Variants in SFMBT1 observed in about 807,000 individuals in gnomAD.
SFMBT1 encodes scm-like with four MBT domains protein 1.
Under a neutral mutation model 108.7 loss-of-function variants are expected in SFMBT1, and 32 were observed. That is an observed-to-expected ratio of 0.29 (90% CI 0.22 to 0.40). The LOEUF is 0.40. SFMBT1 is among the 10% of genes least tolerant of loss of function. The probability of loss-of-function intolerance (pLI) is 1.00; values close to 1 mark genes in which losing one functional copy is unlikely to be tolerated. For missense variants in SFMBT1, 816 were observed against 1,059.6 expected (o/e 0.77, Z 3.19); for synonymous variants, 348 against 369.5 (o/e 0.94, Z 0.67).
chr3:52,978,398 A>C (rs958290527), intron 1 of SFMBT1, among the ~76,000 whole-genome samples: 20 of 152,146 alleles, frequency 1.3e-4, no homozygotes, highest in African/African-American at 4.3e-4. Flanking sequence ...TCAACTTCAC[A>C]CTGCCTGCCA....
chr3:53,000,582 T>C (rs1186004451), intron 1 of SFMBT1, among the ~76,000 whole-genome samples: 2 of 149,912 alleles, frequency 1.3e-5, no homozygotes, highest in Non-Finnish European at 3.0e-5. Context: ...TATATACATA[T>C]ATTACATATA....
At chr3:52,974,928 A>G (rs559071851) in intron 1 of SFMBT1, among the ~76,000 whole-genome samples, 1 of 151,258 alleles carries the variant, frequency 6.6e-6, no homozygotes, top group African/African-American at 2.4e-5. Context: ...AATTGCTTGA[A>G]CCCAGGGCAA....
intron 1 of SFMBT1, among the ~76,000 whole-genome samples, chr3:53,002,281 C>G (rs1362869212): frequency 1.3e-5 from 2 of 148,898 alleles, no homozygotes; most frequent in African/African-American, 4.9e-5. Flanking sequence ...CACCTGTAGT[C>G]CCAGCTACTT....
intron 5 of SFMBT1, among the ~76,000 whole-genome samples, chr3:52,932,760 A>T (rs1488811097): frequency 6.6e-6 from 1 of 151,942 alleles, no homozygotes; most frequent in East Asian, 1.9e-4. Context: ...AAAATACAAA[A>T]ATTAGTCGGG....
chr3:53,004,019 C>T (rs1698651079), intron 1 of SFMBT1, among the ~76,000 whole-genome samples: 1 of 149,916 alleles, frequency 6.7e-6, no homozygotes. Flanking sequence ...AAACAATGGT[C>T]ACTGGAAATT....
intron 1 of SFMBT1, among the ~76,000 whole-genome samples, chr3:53,041,614 C>T (rs1700055129): frequency 7.5e-6 from 1 of 134,210 alleles, no homozygotes; most frequent in Non-Finnish European, 1.5e-5. Context: ...AGGAGAATTG[C>T]TTGAACCCAG....
intron 1 of SFMBT1, among the ~76,000 whole-genome samples, chr3:53,045,481 C>T (rs1225939823): frequency 6.9e-6 from 1 of 144,240 alleles, no homozygotes; most frequent in East Asian, 2.0e-4. Context: ...CGGGCTGACG[C>T]GCGCCGCGCT....
In SFMBT1 at chr3:52,907,161, A is replaced by G. The variant is rs957535255; in HGVS notation, c.2239T>C (p.Ser747Pro). The G allele has an allele frequency of 1.2e-6, 2 of 1,614,214 alleles. No individual in the cohort carries two copies. Among genetic ancestry groups the G allele is most frequent in the Non-Finnish European group, 1.7e-6 (2 of 1,180,028 alleles). ...TGTCTATCTGGAGGCAGCGATGTGG[A>G]TATCTCACTTTGGGTGGGAGAAGAG... ...CSSSPTQSEISTSLPPDRQRR... is the reference protein window; with the variant it reads ...CSSSPTQSEIPTSLPPDRQRR... The change falls in exon 19 of 21, where the codon TCC (serine) becomes CCC (proline). Residue 747 changes from serine to proline, a missense_variant. By Grantham distance (74) the Ser-to-Pro change is moderately conservative (BLOSUM62 -1). Coordinates refer to ENST00000394752, the MANE Select transcript of SFMBT1 (RefSeq NM_016329.4).
chr3:52,967,705 AG>A (rs2106856894), intron 2 of SFMBT1, among the ~76,000 whole-genome samples: 1 of 152,358 alleles, frequency 6.6e-6, no homozygotes, highest in African/African-American at 2.4e-5. Flanking sequence ...GATGCCAAGT[AG>A]GAACATGTAA....
intron 5 of SFMBT1, among the ~76,000 whole-genome samples, chr3:52,933,960 C>T (rs922911980): frequency 6.6e-6 from 1 of 152,082 alleles, no homozygotes; most frequent in Admixed American, 6.5e-5. Context: ...AACATATTTT[C>T]AATATTTTGA....
intron 1 of SFMBT1, among the ~76,000 whole-genome samples, chr3:53,025,197 C>T (rs1258027504): frequency 1.3e-5 from 2 of 152,154 alleles, no homozygotes; most frequent in South Asian, 2.1e-4. Context: ...TTCTAGACAG[C>T]CAATGAAGAA....
chr3:52,928,655 C>CAT lies in SFMBT1; in HGVS notation c.898-315_898-314insAT, dbSNP rs1377767825. ...ATATATACATATATATATATATATACACATATATACATATATACACACACA... is the reference window on the plus strand; with the variant it reads ...ATATATACATATATATATATATATACATACATATATACATATATACACACACA... On this transcript the variant is annotated intron_variant, in intron 8 of 20. Transcript: ENST00000394752. Among the ~76,000 whole-genome samples, 265 of 26,762 alleles carry CAT rather than the reference C, an allele frequency of 9.9e-3. 8 individuals are homozygous for CAT. Among genetic ancestry groups the CAT allele is most frequent in the African/African-American group, 0.02 (247 of 12,432 alleles). The allele number at this position is 26,762 out of a possible 152,430, so 17.6% of individuals were successfully genotyped here. A position where few individuals can be genotyped will look rare whatever the true frequency, so the allele number is the denominator to read the frequency against.
At chr3:52,941,865 C>T (rs1703194544) in intron 4 of SFMBT1, among the ~76,000 whole-genome samples, 1 of 152,148 alleles carries the variant, frequency 6.6e-6, no homozygotes, top group African/African-American at 2.4e-5. Flanking sequence ...CGCCACTGCA[C>T]TCCAGCCTGG....
chr3:52,917,392 T>C (rs1314866769), intron 13 of SFMBT1, among the ~76,000 whole-genome samples: 3 of 151,514 alleles, frequency 2.0e-5, no homozygotes, highest in African/African-American at 7.3e-5. Flanking sequence ...AAGAGAGGGG[T>C]CGGGGGGTGC....
intron 1 of SFMBT1, among the ~76,000 whole-genome samples, chr3:53,009,142 C>A (rs1011867798): frequency 6.6e-6 from 1 of 151,794 alleles, no homozygotes; most frequent in Non-Finnish European, 1.5e-5. Context: ...AAAGAAAAAA[C>A]AGGAAGTGAG....
Position 52,943,466 on chromosome 3 carries a change from T to C in SFMBT1, c.251A>G (p.Tyr84Cys). 1 of 1,614,220 alleles carries C rather than the reference T, an allele frequency of 6.2e-7. No individual in the cohort carries two copies. Among genetic ancestry groups the C allele is most frequent in the Non-Finnish European group, 8.5e-7 (1 of 1,180,032 alleles). Residue 84 changes from tyrosine (Y) to cysteine (C), a missense_variant, in exon 4 of 21, where the codon TAT becomes TGT. By Grantham distance (194) the Tyr-to-Cys change is radical. Coordinates refer to ENST00000394752, the MANE Select transcript of SFMBT1 (RefSeq NM_016329.4). ...TTCEQLLLLRYDGYGEDRRAD... is the reference protein window; with the variant it reads ...TTCEQLLLLRCDGYGEDRRAD... The stretch of plus-strand genomic sequence containing the variant: ...TCTCCGATCCTCCCCATAGCCATCA[T>C]AGCGGAGAAGGAGCAACTGCTCACA...
chr3:53,040,968 A>ATTTTTTTTTTTTTTTTTTTTTTTTTTTTT (rs57640588), intron 1 of SFMBT1, among the ~76,000 whole-genome samples: 6 of 46,380 alleles, frequency 1.3e-4, no homozygotes, highest in Non-Finnish European at 2.0e-4. Context: ...AGACACCTGA[A>ATTTTTTTTTTTTTTTTTTTTTTTTTTTTT]TTTTTTTTTT....
In SFMBT1 at chr3:52,907,560, G is replaced by A. The variant is rs1394165736; in HGVS notation, c.2080C>T (p.Pro694Ser). The change falls in exon 18 of 21, where the codon CCC (proline) becomes TCC (serine). Residue 694 changes from proline to serine, a missense_variant. This residue lies in a region of SFMBT1 where 177 missense variants were observed against 182.0 expected (regional missense o/e 0.97). Transcript: ENST00000394752. ...GCACATCACAGATCTCATACCTGGG[G>A]AGAGCCCGCTGGGGTATTATCAACA... is the stretch of plus-strand genomic sequence containing the variant. ...ASVDNTPAGS[P>S]QGSGGEDEDD... 6.2e-7 allele frequency: 1 copy of A among 1,612,894 alleles called. No homozygotes were observed. The highest frequency in any genetic ancestry group is 1.3e-5 in the African/African-American group (1 of 74,832).
intron 17 of SFMBT1, among the ~76,000 whole-genome samples, chr3:52,908,488 T>G (rs971311979): frequency 2.0e-4 from 30 of 152,232 alleles, no homozygotes; most frequent in African/African-American, 7.0e-4. Context: ...AAGAATTTCC[T>G]TTCTCCCTTA....
Sources: allele counts gnomAD v4.1 joint callset (sites outside exome capture counted in the v4.1 genomes callset), GRCh38; gene constraint gnomAD v4.1.1; regional missense constraint gnomAD v4.1.1; transcripts MANE v1.5; gene names NCBI Gene and HGNC (gene_info 2026-07-23, HGNC 2026-07-21).